Variants in AKAP8 observed in about 807,000 individuals in gnomAD.
AKAP8 encodes the protein A-kinase anchoring protein 8, also known as A-kinase anchor protein 8.
A neutral mutation model predicts 67.5 loss-of-function variants in AKAP8; 24 were observed. That is an observed-to-expected ratio of 0.36 (90% CI 0.26 to 0.50). AKAP8 has a LOEUF of 0.50. Ranked by LOEUF, AKAP8 falls within the 20% of genes least tolerant of loss-of-function variation. The probability of loss-of-function intolerance (pLI) is 0.97; values close to 1 mark genes in which losing one functional copy is unlikely to be tolerated. For synonymous variants in AKAP8, 400 were observed against 371.1 expected (o/e 1.08, Z -0.90); for missense variants, 971 against 955.9 (o/e 1.02, Z -0.21).
In AKAP8 at chr19:15,354,856, G is replaced by A. The variant is rs1353982928; in HGVS notation, c.*59C>T. 18 of 1,583,148 alleles carry A rather than the reference G, an allele frequency of 1.1e-5. No homozygotes were observed. Among genetic ancestry groups the A allele is most frequent in the Non-Finnish European group, 1.5e-5 (17 of 1,162,444 alleles). On this transcript the variant is annotated 3_prime_UTR_variant, in exon 14 of 14. Transcript: ENST00000269701. The stretch of plus-strand genomic sequence containing the variant: ...CGCCCTTGTACTGCTTACAAACCAA[G>A]GGAGAAAGACCAACGCATCCATCAT...
Position 15,372,251 on chromosome 19 carries a change from G to A in AKAP8, c.958C>T (p.Arg320Trp), listed in dbSNP as rs779664437. The A allele has an allele frequency of 1.7e-5, 27 of 1,614,030 alleles. No individual in the cohort carries two copies. The South Asian group carries it at 2.1e-4, about 12-fold the overall frequency. ...GAGAAATCTCCTTCACTGTCAACCC[G>A]GGCCAGTTTGGTGTCTGGCTCCTCG... ...LYEEPDTKLA[R>W]VDSEGDFSEN... The change falls in exon 6 of 14, where the codon CGG becomes TGG. Residue 320 changes from arginine to tryptophan, a missense_variant. By Grantham distance (101) the Arg-to-Trp change is moderately radical. Around this residue, in one of 3 missense-constraint regions of AKAP8, gnomAD observed 763 missense variants for 745.4 expected, o/e 1.02. Coordinates refer to ENST00000269701, the MANE Select transcript of AKAP8 (RefSeq NM_005858.4).
At chr19:15,362,030 G>T in intron 10 of AKAP8, 80 bp downstream of exon 10, 1 of 1,565,072 alleles carries the variant, frequency 6.4e-7, no homozygotes, top group South Asian at 1.2e-5. Flanking sequence ...TATAGCCTCT[G>T]ATTTCCCTTC....
chr19:15,374,620 C>A lies in AKAP8; in HGVS notation c.74G>T (p.Gly25Val). ...PANTQGAYGT[G>V]VASWQGYENY... ...GGGCTTACCTTGCCAGCTGGCCACA[C>A]CAGTTCCATATGCACCTTAGGGGAA... The change falls in exon 3 of 14, where the codon GGT (glycine) becomes GTT (valine). Residue 25 changes from glycine (G) to valine (V), a missense_variant. By Grantham distance (109) the Gly-to-Val change is moderately radical. This residue lies in a region of AKAP8 where 763 missense variants were observed against 745.4 expected (regional missense o/e 1.02). Transcript: ENST00000269701. 6.2e-7 allele frequency: 1 copy of A among 1,613,610 alleles called. No homozygotes were observed. The highest frequency in any genetic ancestry group is 1.3e-5 in the African/African-American group (1 of 74,960).
chr19:15,373,297 A>G lies in AKAP8; in HGVS notation c.415T>C (p.Cys139Arg), dbSNP rs1252549849. The G allele has an allele frequency of 6.2e-7, 1 of 1,613,402 alleles. No homozygotes were observed. The highest frequency in any genetic ancestry group is 1.7e-5 in the Admixed American group (1 of 59,982). Residue 139 changes from cysteine (C) to arginine (R), a missense_variant, in exon 5 of 14, where the codon TGC becomes CGC. By Grantham distance (180) the Cys-to-Arg change is radical. This residue lies in a region of AKAP8 where 763 missense variants were observed against 745.4 expected (regional missense o/e 1.02). Coordinates refer to ENST00000269701, the MANE Select transcript of AKAP8 (RefSeq NM_005858.4). ...CGGTAGGGGTTGTGCTCCGGCAGGC[A>G]GGGCCTGGAGTCATAGGACTCGAAC... ...QPFESYDSRP[C>R]LPEHNPYRPS...
In AKAP8 at chr19:15,362,128, C is replaced by T. The variant is rs1966976831; in HGVS notation, c.1284G>A (p.Lys428=). 6.2e-7 allele frequency: 1 copy of T among 1,614,056 alleles called. No individual in the cohort carries two copies. The highest frequency in any genetic ancestry group is 1.7e-5 in the Admixed American group (1 of 60,008). The change falls in exon 10 of 14, where the codon AAG becomes AAA. Residue 428 remains lysine (K), a synonymous_variant. Transcript: ENST00000269701. ...CCTTTACCTGGAGGAACTCCACGGT[C>T]TTGTCGGGCAGCTTGGTGCTTATGA... is the stretch of plus-strand genomic sequence containing the variant. ...LRFISTKLPD[K]TVEFLQEYIV...
intron 9 of AKAP8, among the ~76,000 whole-genome samples, chr19:15,366,479 C>T (rs1206130485): frequency 6.6e-6 from 1 of 151,162 alleles, no homozygotes; most frequent in Non-Finnish European, 1.5e-5. Context: ...AAGCATTTCT[C>T]TCTTTTTTTT....
rs1286302803 is a variant in AKAP8, at chr19:15,358,958, A to G, written c.1623+9T>C. 6.2e-7 allele frequency: 1 copy of G among 1,613,340 alleles called. No homozygotes were observed. The highest frequency in any genetic ancestry group is 1.3e-5 in the African/African-American group (1 of 74,918). ...GCTTTTCCTGTCTGTGGTACTTGCAAGCACAAACCTTGAGGTATTTTTCCA... is the reference window on the plus strand; with the variant it reads ...GCTTTTCCTGTCTGTGGTACTTGCAGGCACAAACCTTGAGGTATTTTTCCA... On this transcript the variant is annotated intron_variant, in intron 13 of 13. Coordinates refer to ENST00000269701, the MANE Select transcript of AKAP8 (RefSeq NM_005858.4).
intron 8 of AKAP8, 185 bp from the exon 9 acceptor site, chr19:15,368,507 TGA>T (rs1490019888): frequency 1.0e-6 from 1 of 984,872 alleles, no homozygotes; most frequent in African/African-American, 1.8e-5. Context: ...GGGCCTGGAG[TGA>T]GAGCCCGGAG....
At position 15,379,781 on chromosome 19, in the gene AKAP8, C is replaced by T. The variant is rs1210079224; in HGVS notation, c.-50G>A. The T allele has an allele frequency of 6.2e-7, 1 of 1,608,816 alleles. No homozygotes were observed. The highest frequency in any genetic ancestry group is 1.1e-5 in the South Asian group (1 of 90,222). On this transcript the variant is annotated 5_prime_UTR_variant, in exon 1 of 14. In the 5' UTR this introduces an upstream ATG that the reference lacks. Transcript: ENST00000269701. ...CCCCGTTTACTAGGCGACCACAGCA[C>T]GCATGCGTTCAGCGCACCTCCGCCA...
chr19:15,371,990 C>T lies in AKAP8; in HGVS notation c.1000G>A (p.Ala334Thr), dbSNP rs1218628167. The change falls in exon 7 of 14, where the codon GCT becomes ACT. Residue 334 changes from alanine to threonine, a missense_variant. Ala to Thr is a moderately conservative substitution (Grantham distance 58, BLOSUM62 0). Around this residue, in one of 3 missense-constraint regions of AKAP8, gnomAD observed 763 missense variants for 745.4 expected, o/e 1.02. Coordinates refer to ENST00000269701, the MANE Select transcript of AKAP8 (RefSeq NM_005858.4). ...TCATCTCCTGAGCGGAAGTCACCAG[C>T]TGCGTCATCTGCCAGACACAAAGAA... is the stretch of plus-strand genomic sequence containing the variant. ...EGDFSENDDA[A>T]GDFRSGDEEF... 4 of 1,614,040 alleles carry T rather than the reference C, an allele frequency of 2.5e-6. No individual in the cohort carries two copies. In the African/African-American group the frequency reaches 5.3e-5, roughly 22 times the overall value.
At chr19:15,362,086 T>C in intron 10 of AKAP8, 24 bp downstream of exon 10, 1 of 1,612,582 alleles carries the variant, frequency 6.2e-7, no homozygotes, top group Non-Finnish European at 8.5e-7. Flanking sequence ...AGAGACGCGG[T>C]GACGGGGCCC....
chr19:15,365,612 G>A (rs1486285335), intron 9 of AKAP8, among the ~76,000 whole-genome samples: 1 of 152,216 alleles, frequency 6.6e-6, no homozygotes, highest in Admixed American at 6.5e-5. Context: ...TACGTAGGCG[G>A]GGAGGGGACA....
chr19:15,354,786 G>A lies in AKAP8; in HGVS notation c.*129C>T. 9.1e-7 allele frequency: 1 copy of A among 1,096,416 alleles called. No homozygotes were observed. The allele number at this position is 1,096,416 out of a possible 1,614,324, so 67.9% of individuals were successfully genotyped here. A position where few individuals can be genotyped will look rare whatever the true frequency, so the allele number is the denominator to read the frequency against. On this transcript the variant is annotated 3_prime_UTR_variant, in exon 14 of 14. Transcript: ENST00000269701. Reference sequence around the variant, plus strand: ...GAGGCACTGCTCAGGAGGAAACGCTGGGTCTCTTCACCAAAATTAGATTAC... The same window carrying A: ...GAGGCACTGCTCAGGAGGAAACGCTAGGTCTCTTCACCAAAATTAGATTAC...
At chr19:15,370,659 T>C (rs1454406187) in intron 7 of AKAP8, among the ~76,000 whole-genome samples, 1 of 107,028 alleles carries the variant, frequency 9.3e-6, no homozygotes, top group African/African-American at 3.8e-5. Context: ...TGAGACGGAG[T>C]CTCGCCCTGT....
At chr19:15,362,698 C>T (rs1477077466) in intron 9 of AKAP8, among the ~76,000 whole-genome samples, 4 of 151,822 alleles carry the variant, frequency 2.6e-5, no homozygotes, top group South Asian at 2.1e-4. Flanking sequence ...GGCGTGATCT[C>T]GGCTCGCTAC....
At chr19:15,359,697 ACT>A (rs1330493358) in intron 12 of AKAP8, among the ~76,000 whole-genome samples, 1 of 152,062 alleles carries the variant, frequency 6.6e-6, no homozygotes, top group Non-Finnish European at 1.5e-5. Flanking sequence ...ATGGAGTGAG[ACT>A]CTGTCTCAAA....
chr19:15,355,113 C>T lies in AKAP8; in HGVS notation c.1881G>A (p.Glu627=). The T allele has an allele frequency of 6.2e-7, 1 of 1,613,844 alleles. No homozygotes were observed. Among genetic ancestry groups the T allele is most frequent in the Non-Finnish European group, 8.5e-7 (1 of 1,180,042 alleles). ...SDPQAEQLLE[E]QVPCGTAHEK... Reference sequence around the variant, plus strand: ...CATGTGCCGTTCCACAGGGCACCTGCTCTTCCAGCAGCTGTTCGGCTTGAG... The same window carrying T: ...CATGTGCCGTTCCACAGGGCACCTGTTCTTCCAGCAGCTGTTCGGCTTGAG... The change falls in exon 14 of 14, where the codon GAG becomes GAA. Residue 627 remains glutamate, a synonymous_variant. Coordinates refer to ENST00000269701, the MANE Select transcript of AKAP8 (RefSeq NM_005858.4).
In AKAP8 at chr19:15,362,262, A is replaced by G. The variant is rs747139002; in HGVS notation, c.1161-11T>C. 9 of 1,613,946 alleles carry G rather than the reference A, an allele frequency of 5.6e-6. No individual in the cohort carries two copies. The highest frequency in any genetic ancestry group is 7.6e-6 in the Non-Finnish European group (9 of 1,179,920). Reference sequence around the variant, plus strand: ...CAGGCAAACTGAATTCTGTAGAAGGAAAACAAGGAGGGGAGTGAAGCAGGG... The same window carrying G: ...CAGGCAAACTGAATTCTGTAGAAGGGAAACAAGGAGGGGAGTGAAGCAGGG... On this transcript the variant is annotated splice_polypyrimidine_tract_variant and intron_variant, in intron 9 of 13. Transcript: ENST00000269701.
chr19:15,370,156 C>T lies in AKAP8; in HGVS notation c.1062G>A (p.Gly354=), dbSNP rs781728362. ...FKGEDELCDS[G]RQRGEKEDED... ...CACGGTGATGCCTACCTCTTTGCCT[C>T]CCAGAGTCGCAGAGTTCATCCTCCT... Residue 354 remains glycine, a synonymous_variant, in exon 8 of 14, where the codon GGG becomes GGA. Coordinates refer to ENST00000269701, the MANE Select transcript of AKAP8 (RefSeq NM_005858.4). 1 of 1,614,142 alleles carries T rather than the reference C, an allele frequency of 6.2e-7. No homozygotes were observed. The highest frequency in any genetic ancestry group is 1.1e-5 in the South Asian group (1 of 91,084).
Sources: allele counts gnomAD v4.1 joint callset (sites outside exome capture counted in the v4.1 genomes callset), GRCh38; gene constraint gnomAD v4.1.1; regional missense constraint gnomAD v4.1.1; transcripts MANE v1.5; gene names NCBI Gene and HGNC (gene_info 2026-07-23, HGNC 2026-07-21).